CALN1: variants seen among roughly 807,000 people sequenced by gnomAD.
The protein encoded by CALN1 is calcium-binding protein 8.
In CALN1, 17 loss-of-function variants were observed where a neutral mutation model predicts 30.6. The ratio of observed to expected loss-of-function variants is 0.56; its 90% CI spans 0.38 to 0.83. The LOEUF (loss-of-function observed/expected upper bound fraction) is 0.83, where lower values mean the gene tolerates loss of function less well. Among genes scored for constraint, CALN1 ranks in the 40% least tolerant of loss-of-function variants. The pLI is 0.00. For synonymous variants in CALN1, 156 were observed against 131.4 expected (o/e 1.19, Z -1.28); for missense variants, 291 against 354.9 (o/e 0.82, Z 1.45).
intron 4 of CALN1, among the ~76,000 whole-genome samples, chr7:72,034,091 C>A (rs765791738): frequency 1.3e-5 from 2 of 152,014 alleles, no homozygotes; most frequent in Admixed American, 6.6e-5. Flanking sequence ...CGGTGGCTCA[C>A]GCCTGTAATC....
chr7:72,011,230 A>C (rs1800062147), intron 5 of CALN1, among the ~76,000 whole-genome samples: 1 of 151,636 alleles, frequency 6.6e-6, no homozygotes, highest in Admixed American at 6.6e-5. Flanking sequence ...AAAAACAAAA[A>C]AAAACAAAAA....
chr7:72,267,358 T>C (rs759459568), intron 3 of CALN1, among the ~76,000 whole-genome samples: 1 of 152,204 alleles, frequency 6.6e-6, no homozygotes, highest in Non-Finnish European at 1.5e-5. Flanking sequence ...AAAGTCATGC[T>C]CATGGCCAGC....
intron 2 of CALN1, among the ~76,000 whole-genome samples, chr7:72,295,098 A>G (rs1400897538): frequency 6.6e-6 from 1 of 152,200 alleles, no homozygotes; most frequent in Admixed American, 6.5e-5. Context: ...CAAATCTCAC[A>G]AATCACTACT....
chr7:72,180,094 C>T (rs1325031679), intron 3 of CALN1, among the ~76,000 whole-genome samples: 1 of 152,184 alleles, frequency 6.6e-6, no homozygotes, highest in Non-Finnish European at 1.5e-5. Flanking sequence ...TGACTTGTCG[C>T]AGAAACCGTG....
intron 6 of CALN1, among the ~76,000 whole-genome samples, chr7:71,789,068 G>A (rs1259755625): frequency 2.0e-5 from 3 of 152,136 alleles, no homozygotes; most frequent in Admixed American, 6.5e-5. Flanking sequence ...CTCCCAAAGT[G>A]TTGGGATTAC....
At chr7:72,151,353 T>C (rs1161699869) in intron 3 of CALN1, among the ~76,000 whole-genome samples, 1 of 152,130 alleles carries the variant, frequency 6.6e-6, no homozygotes, top group African/African-American at 2.4e-5. Context: ...TGTGTGTGTC[T>C]CTGTCCCAAT....
At chr7:72,489,672 C>T in the CALN1 span, among the ~76,000 whole-genome samples, 2 of 152,164 alleles carry the variant, frequency 1.3e-5, no homozygotes, top group African/African-American at 2.4e-5. Context: ...TTGGCAATTG[C>T]ACCCTCTAAA....
intron 3 of CALN1, among the ~76,000 whole-genome samples, chr7:72,119,529 C>T (rs896096014): frequency 6.6e-6 from 1 of 150,818 alleles, no homozygotes; most frequent in South Asian, 2.1e-4. Flanking sequence ...AAAAAAAAAA[C>T]CAGAGCTAAC....
chr7:72,023,695 C>A lies in CALN1; in HGVS notation c.463G>T (p.Gly155Cys). Residue 155 changes from glycine (G) to cysteine (C), a missense_variant, in exon 5 of 7, where the codon GGT (glycine) becomes TGT (cysteine). By Grantham distance (159) the Gly-to-Cys change is radical. This residue lies in a region of CALN1 where 169 missense variants were observed against 251.7 expected (regional missense o/e 0.67). Coordinates refer to ENST00000395275, the MANE Select transcript of CALN1 (RefSeq NM_031468.4). Reference sequence around the variant, plus strand: ...CTGTCTATCGTGTTCCCAAGAAAACCATCGCGACCTTCTGAAGACACCAGT... The same window carrying A: ...CTGTCTATCGTGTTCCCAAGAAAACAATCGCGACCTTCTGAAGACACCAGT... ...PKLVSSEGRDGFLGNTIDSIF... is the reference protein window; with the variant it reads ...PKLVSSEGRDCFLGNTIDSIF... 1 of 1,613,984 alleles carries A rather than the reference C, an allele frequency of 6.2e-7. No homozygotes were observed. The highest frequency in any genetic ancestry group is 2.2e-5 in the East Asian group (1 of 44,858).
chr7:72,440,662 A>G (rs1175379408), intron 1 of CALN1, among the ~76,000 whole-genome samples: 1 of 152,208 alleles, frequency 6.6e-6, no homozygotes, highest in East Asian at 1.9e-4. Flanking sequence ...CCCCATCTCT[A>G]CTAAAAATAC....
At chr7:72,481,699 T>C in the CALN1 span, among the ~76,000 whole-genome samples, 1 of 152,246 alleles carries the variant, frequency 6.6e-6, no homozygotes, top group Non-Finnish European at 1.5e-5. Context: ...TCACTTTTGA[T>C]TTCTTCTTTA....
intron 5 of CALN1, among the ~76,000 whole-genome samples, chr7:71,836,954 A>G (rs1231822166): frequency 1.4e-5 from 2 of 147,874 alleles, no homozygotes; most frequent in Non-Finnish European, 3.0e-5. Flanking sequence ...GCCACTGGCC[A>G]GGCAAGGTGG....
chr7:72,156,170 C>T (rs1477463701), intron 3 of CALN1, among the ~76,000 whole-genome samples: 1 of 152,088 alleles, frequency 6.6e-6, no homozygotes, highest in Non-Finnish European at 1.5e-5. Flanking sequence ...GAGGACAAAC[C>T]AAGGAGAACC....
At chr7:72,317,106 G>A (rs1368565902) in intron 2 of CALN1, among the ~76,000 whole-genome samples, 2 of 146,452 alleles carry the variant, frequency 1.4e-5, no homozygotes, top group African/African-American at 5.0e-5. Context: ...GAGGGAGGAA[G>A]GGAGGGAGGG....
At chr7:72,395,453 G>A (rs1252251262) in intron 2 of CALN1, among the ~76,000 whole-genome samples, 2 of 152,186 alleles carry the variant, frequency 1.3e-5, no homozygotes, top group Admixed American at 6.5e-5. Flanking sequence ...TTGGCTGTAG[G>A]GCATCACTAA....
intron 3 of CALN1, among the ~76,000 whole-genome samples, chr7:72,123,591 GA>G (rs1266191459): frequency 6.6e-6 from 1 of 152,196 alleles, no homozygotes; most frequent in Non-Finnish European, 1.5e-5. Context: ...GTAAATCGTG[GA>G]AAGGATTGAG....
At chr7:72,286,232 C>G (rs1362713238) in intron 2 of CALN1, among the ~76,000 whole-genome samples, 1 of 151,884 alleles carries the variant, frequency 6.6e-6, no homozygotes, top group African/African-American at 2.4e-5. Flanking sequence ...ACCCTTCTGA[C>G]TGGAATTGCT....
upstream of CALN1, among the ~76,000 whole-genome samples, chr7:72,416,085 A>C (rs1807410666): frequency 6.6e-6 from 1 of 152,108 alleles, no homozygotes; most frequent in South Asian, 2.1e-4. Flanking sequence ...TTGAGGTGGG[A>C]GGCAGGACTT....
intron 2 of CALN1, among the ~76,000 whole-genome samples, chr7:72,388,158 G>A (rs1249647756): frequency 2.0e-5 from 3 of 152,096 alleles, no homozygotes; most frequent in Admixed American, 6.5e-5. Context: ...TTGAAGTGAT[G>A]AATATGCTAA....
Sources: allele counts gnomAD v4.1 joint callset (sites outside exome capture counted in the v4.1 genomes callset), GRCh38; gene constraint gnomAD v4.1.1; regional missense constraint gnomAD v4.1.1; transcripts MANE v1.5; gene names NCBI Gene and HGNC (gene_info 2026-07-23, HGNC 2026-07-21).